The following RAB6B variants were observed in gnomAD, a reference collection of about 807,000 sequenced individuals.
RAB6B encodes ras-related protein Rab-6B.
In RAB6B, 7 loss-of-function variants were observed where a neutral mutation model predicts 31.2. The ratio of observed to expected loss-of-function variants is 0.22; its 90% CI spans 0.13 to 0.42. RAB6B has a LOEUF of 0.42. RAB6B is among the 10% of genes least tolerant of loss of function. RAB6B has a pLI of 1.00. For synonymous variants in RAB6B, 105 were observed against 104.9 expected (o/e 1.00, Z -0.01); for missense variants, 149 against 280.6 (o/e 0.53, Z 3.35).
intron 4 of RAB6B, 95 bp from the exon 5 acceptor site, chr3:133,839,712 G>A (rs2107990409): frequency 2.2e-6 from 2 of 904,230 alleles, no homozygotes; most frequent in Non-Finnish European, 1.9e-6. Flanking sequence ...GAGGGAGGGT[G>A]AGCATGTGCC....
Position 133,838,101 on chromosome 3 carries a change from C to T in RAB6B, c.495+65G>A. 2.6e-6 allele frequency: 4 copies of T among 1,514,064 alleles called. No homozygotes were observed. In the Middle Eastern group the frequency reaches 7.2e-4, roughly 273 times the overall value. The allele number at this position is 1,514,064 out of a possible 1,614,324, so 93.8% of individuals were successfully genotyped here. The stretch of plus-strand genomic sequence containing the variant: ...TCAGGGCAAGGCAGCTCTGAGCCTG[C>T]AGCTGACCACAGGGCTACACCGTGC... On this transcript the variant is annotated intron_variant, in intron 6 of 7. Coordinates refer to ENST00000285208, the MANE Select transcript of RAB6B (RefSeq NM_016577.4).
At chr3:133,862,550 C>T (rs184452037) in intron 2 of RAB6B, among the ~76,000 whole-genome samples, 56 of 152,282 alleles carry the variant, frequency 3.7e-4, no homozygotes, top group Non-Finnish European at 6.9e-4. Flanking sequence ...AGAGAATTCT[C>T]GCAGCAGAGA....
intron 5 of RAB6B, 115 bp from the exon 6 acceptor site, chr3:133,838,374 T>A: frequency 1.1e-6 from 1 of 910,150 alleles, no homozygotes; most frequent in Non-Finnish European, 1.8e-6. Flanking sequence ...TGGTCAGTCC[T>A]GAAGACAGGC....
chr3:133,843,908 C>T (rs1157880350), intron 2 of RAB6B, among the ~76,000 whole-genome samples: 1 of 152,206 alleles, frequency 6.6e-6, no homozygotes, highest in East Asian at 1.9e-4. Flanking sequence ...CCCTGAGGAG[C>T]TACTTCAGCA....
chr3:133,890,151 G>C (rs556027692), intron 1 of RAB6B, among the ~76,000 whole-genome samples: 2 of 152,226 alleles, frequency 1.3e-5, no homozygotes, highest in Non-Finnish European at 2.9e-5. Flanking sequence ...ATTTCTTCCA[G>C]ATGTCAAAGT....
chr3:133,844,563 A>T (rs1935881267), intron 2 of RAB6B, among the ~76,000 whole-genome samples: 1 of 152,240 alleles, frequency 6.6e-6, no homozygotes, highest in South Asian at 2.1e-4. Flanking sequence ...GCTTGTATCA[A>T]ACAAACCCTC....
intron 1 of RAB6B, among the ~76,000 whole-genome samples, chr3:133,879,965 G>A (rs1344838404): frequency 2.0e-5 from 3 of 152,208 alleles, no homozygotes; most frequent in Non-Finnish European, 4.4e-5. Context: ...GCAGAATACA[G>A]TCTATTTCAA....
chr3:133,841,348 G>A lies in RAB6B; in HGVS notation c.226C>T (p.Arg76Cys), dbSNP rs1935827338. Residue 76 changes from arginine to cysteine, a missense_variant, in exon 4 of 8, where the codon CGC (arginine) becomes TGC (cysteine). By Grantham distance (180) the Arg-to-Cys change is radical (BLOSUM62 -3). This residue lies in a region of RAB6B where 75 missense variants were observed against 180.1 expected (regional missense o/e 0.42). Transcript: ENST00000285208. ...CGGATGTAGCTGGGGATCAGGCTGC[G>A]GAACCTCTCCTGACCAGCTGTGTCC... The part of the protein sequence containing the change: ...LWDTAGQERF[R>C]SLIPSYIRDS... 6.2e-7 allele frequency: 1 copy of A among 1,614,136 alleles called. No individual in the cohort carries two copies. The highest frequency in any genetic ancestry group is 8.5e-7 in the Non-Finnish European group (1 of 1,180,016).
chr3:133,837,426 A>G (rs1935753124), intron 6 of RAB6B, among the ~76,000 whole-genome samples: 1 of 152,212 alleles, frequency 6.6e-6, no homozygotes, highest in African/African-American at 2.4e-5. Context: ...CTGCAACACT[A>G]TGAGGTGATG....
chr3:133,855,849 T>G (rs2107998895), intron 2 of RAB6B, among the ~76,000 whole-genome samples: 1 of 152,298 alleles, frequency 6.6e-6, no homozygotes. Context: ...CTTGACTACT[T>G]TAGACTGTAA....
At chr3:133,832,690 TGA>T (rs1230467867) in intron 7 of RAB6B, among the ~76,000 whole-genome samples, 1 of 152,174 alleles carries the variant, frequency 6.6e-6, no homozygotes, top group East Asian at 1.9e-4. Context: ...ACCTGCCTCG[TGA>T]GAGGCCCAGC....
In RAB6B at chr3:133,839,550, A is replaced by G. The variant is rs1439944839; in HGVS notation, c.357T>C (p.Val119=). 1.9e-6 allele frequency: 3 copies of G among 1,614,082 alleles called. No individual in the cohort carries two copies. In the African/African-American group the frequency reaches 4.0e-5, roughly 22 times the overall value. ...DDVRTERGSD[V]IIMLVGNKTD... ...TCTTGTTGCCCACCAGCATGATGAT[A>G]ACATCACTGCCCCTCTCTGTCCTGA... Residue 119 remains valine (V), a synonymous_variant, in exon 5 of 8, where the codon GTT becomes GTC. Coordinates refer to ENST00000285208, the MANE Select transcript of RAB6B (RefSeq NM_016577.4).
intron 2 of RAB6B, among the ~76,000 whole-genome samples, chr3:133,864,310 T>C (rs1936205580): frequency 6.6e-6 from 1 of 152,168 alleles, no homozygotes; most frequent in Admixed American, 6.5e-5. Context: ...AACACTATCA[T>C]GGTTTGGATC....
chr3:133,865,099 G>C (rs573257093), intron 1 of RAB6B, among the ~76,000 whole-genome samples: 44 of 152,340 alleles, frequency 2.9e-4, no homozygotes, highest in African/African-American at 1.0e-3. Context: ...AAGATTGGTG[G>C]GGACAGTGGC....
intron 2 of RAB6B, among the ~76,000 whole-genome samples, chr3:133,844,412 G>C (rs1249439696): frequency 6.6e-6 from 1 of 152,166 alleles, no homozygotes; most frequent in Non-Finnish European, 1.5e-5. Context: ...CTCTCCATCT[G>C]ACCAGGCCAC....
At chr3:133,864,460 T>A (rs1047654642) in intron 2 of RAB6B, 124 bp downstream of exon 2, 1 of 937,200 alleles carries the variant, frequency 1.1e-6, no homozygotes, top group Non-Finnish European at 1.7e-6. Context: ...GGTGGGAAGC[T>A]CCTCCATAGC....
intron 6 of RAB6B, among the ~76,000 whole-genome samples, chr3:133,836,123 C>T (rs1201296728): frequency 2.0e-5 from 3 of 152,188 alleles, no homozygotes; most frequent in African/African-American, 4.8e-5. Flanking sequence ...GCTGAGCACC[C>T]GGGCTGGGTG....
intron 2 of RAB6B, among the ~76,000 whole-genome samples, chr3:133,854,800 C>A (rs182876000): frequency 6.6e-6 from 1 of 152,342 alleles, no homozygotes; most frequent in East Asian, 1.9e-4. Context: ...ATTGGCCCAG[C>A]TGATCCCGGA....
chr3:133,834,238 G>A (rs1341492620), intron 7 of RAB6B, among the ~76,000 whole-genome samples: 1 of 152,144 alleles, frequency 6.6e-6, no homozygotes, highest in Non-Finnish European at 1.5e-5. Context: ...CCCTGCAGTG[G>A]AGACTCTGCC....
Sources: gnomAD v4.1 joint callset for allele counts (sites outside exome capture counted in the v4.1 genomes callset) on GRCh38, gnomAD v4.1.1 for gene constraint, gnomAD v4.1.1 regional missense constraint, MANE v1.5 for transcripts, NCBI Gene and HGNC (gene_info 2026-07-23, HGNC 2026-07-21) for gene names.